Variants in INTU observed in about 807,000 individuals in gnomAD.
INTU encodes the protein inturned planar cell polarity protein.
In INTU, 68 loss-of-function variants were observed where a neutral mutation model predicts 100.5. The ratio of observed to expected loss-of-function variants is 0.68; its 90% CI spans 0.56 to 0.83. The LOEUF (loss-of-function observed/expected upper bound fraction) is 0.83. INTU is among the 40% of genes least tolerant of loss of function. The probability of loss-of-function intolerance (pLI) is 0.00; values close to 1 mark genes in which losing one functional copy is unlikely to be tolerated. For missense variants in INTU, 1,071 were observed against 1,114.7 expected (o/e 0.96, Z 0.56); for synonymous variants, 357 against 395.7 (o/e 0.90, Z 1.16).
At chr4:127,643,124 A>G (rs1014434718) in intron 1 of INTU, among the ~76,000 whole-genome samples, 3 of 152,248 alleles carry the variant, frequency 2.0e-5, no homozygotes, top group Admixed American at 6.5e-5. Context: ...TTGTGTGGAT[A>G]TAATTGCATA....
At chr4:127,672,052 A>G (rs1728955537) in intron 5 of INTU, among the ~76,000 whole-genome samples, 1 of 151,978 alleles carries the variant, frequency 6.6e-6, no homozygotes, top group Non-Finnish European at 1.5e-5. Flanking sequence ...TACAATGTAC[A>G]CTCCTTAGGT....
At chr4:127,681,332 A>T (rs948648216) in intron 6 of INTU, among the ~76,000 whole-genome samples, 1 of 150,200 alleles carries the variant, frequency 6.7e-6, no homozygotes, top group Non-Finnish European at 1.5e-5. Flanking sequence ...TGGAGGCATC[A>T]CCCTACCTGA....
At chr4:127,688,972 T>TTTC (rs1729972789) in intron 8 of INTU, among the ~76,000 whole-genome samples, 2 of 67,936 alleles carry the variant, frequency 2.9e-5, no homozygotes, top group East Asian at 8.1e-4. Context: ...TCTTTCTTTC[T>TTTC]TTTTTTTTTT....
At position 127,656,729 on chromosome 4, in the gene INTU, C is replaced by T; in HGVS notation, c.768+8C>T. ...ATTCCTGGACCTATGCAGGTATGGA[C>T]ATTCTTTTTCTATATTTTATGATGT... On this transcript the variant is annotated splice_region_variant and intron_variant, in intron 3 of 15. Transcript: ENST00000335251. 1 of 1,527,390 alleles carries T rather than the reference C, an allele frequency of 6.5e-7. No individual in the cohort carries two copies. Among genetic ancestry groups the T allele is most frequent in the Non-Finnish European group, 9.0e-7 (1 of 1,109,870 alleles). The allele number at this position is 1,527,390 out of a possible 1,614,324, so 94.6% of individuals were successfully genotyped here.
At chr4:127,647,012 A>T (rs1353126785) in intron 2 of INTU, among the ~76,000 whole-genome samples, 1 of 152,160 alleles carries the variant, frequency 6.6e-6, no homozygotes, top group Non-Finnish European at 1.5e-5. Flanking sequence ...TGTCCCATAC[A>T]TATGTGCCAC....
Position 127,656,643 on chromosome 4 carries a change from C to A in INTU, c.690C>A (p.Val230=). 1.2e-6 allele frequency: 2 copies of A among 1,607,788 alleles called. No individual in the cohort carries two copies. The highest frequency in any genetic ancestry group is 1.7e-6 in the Non-Finnish European group (2 of 1,175,082). Residue 230 remains valine, a synonymous_variant, in exon 3 of 16, where the codon GTC becomes GTA. Transcript: ENST00000335251. Reference sequence around the variant, plus strand: ...TTGTTATTCTGGTTTCAGGTGATGTCCTTGTTGCTGTGAATGATGTCGATG... The same window carrying A: ...TTGTTATTCTGGTTTCAGGTGATGTACTTGTTGCTGTGAATGATGTCGATG... ...MKSGQVLIGD[V]LVAVNDVDVT...
chr4:127,701,165 A>G (rs2148726713), intron 9 of INTU, among the ~76,000 whole-genome samples: 1 of 152,288 alleles, frequency 6.6e-6, no homozygotes, highest in South Asian at 2.1e-4. Flanking sequence ...TATAGGAAAT[A>G]CCACTGAAAA....
chr4:127,656,781 C>T (rs1358139824), intron 3 of INTU, 60 bp downstream of exon 3: 25 of 1,078,010 alleles, frequency 2.3e-5, no homozygotes, highest in African/African-American at 3.2e-5. Context: ...ATAAATATAT[C>T]GTGCACTATT....
intron 2 of INTU, among the ~76,000 whole-genome samples, chr4:127,655,201 C>A (rs1237860334): frequency 6.6e-6 from 1 of 151,850 alleles, no homozygotes; most frequent in Admixed American, 6.6e-5. Context: ...ATTTCATCGT[C>A]TGAAGCCTTC....
At chr4:127,697,322 C>T (rs1472596810) in intron 8 of INTU, among the ~76,000 whole-genome samples, 1 of 151,998 alleles carries the variant, frequency 6.6e-6, no homozygotes, top group Non-Finnish European at 1.5e-5. Flanking sequence ...CTTCTTCTCC[C>T]TACCCCTCCA....
intron 5 of INTU, 23 bp from the exon 6 acceptor site, chr4:127,674,101 A>G (rs1434579663): frequency 6.7e-7 from 1 of 1,490,042 alleles, no homozygotes; most frequent in African/African-American, 1.4e-5. Context: ...TTCTAACCTT[A>G]TTTTGAATAT....
Position 127,633,020 on chromosome 4 carries a change from A to T in INTU, c.-15A>T. The T allele has an allele frequency of 6.2e-7, 1 of 1,609,490 alleles. No homozygotes were observed. The highest frequency in any genetic ancestry group is 8.5e-7 in the Non-Finnish European group (1 of 1,176,790). Reference sequence around the variant, plus strand: ...GATTTGAATTACTCCACTCGTAGCTATTGCATTCCTGACGATGGCCTCTGT... The same window carrying T: ...GATTTGAATTACTCCACTCGTAGCTTTTGCATTCCTGACGATGGCCTCTGT... On this transcript the variant is annotated 5_prime_UTR_variant, in exon 1 of 16. Coordinates refer to ENST00000335251, the MANE Select transcript of INTU (RefSeq NM_015693.4).
At position 127,726,733 on chromosome 4, in the gene INTU, T is replaced by G. The variant is rs1052958350; in HGVS notation, c.*10297T>G. The G allele has an allele frequency of 1.3e-5, 2 of 152,224 alleles. No individual in the cohort carries two copies. The highest frequency in any genetic ancestry group is 2.9e-5 in the Non-Finnish European group (2 of 68,048). The allele number at this position is 152,224 out of a possible 1,614,324, so 9.4% of individuals were successfully genotyped here. On this transcript the variant is annotated 3_prime_UTR_variant, in exon 16 of 16. Transcript: ENST00000335251. Reference sequence around the variant, plus strand: ...AAATAAAACTGGTTTGGAGGTTTGTTTGCAGTTGTATTGCCTTTTTCATGC... The same window carrying G: ...AAATAAAACTGGTTTGGAGGTTTGTGTGCAGTTGTATTGCCTTTTTCATGC...
At chr4:127,668,220 T>C (rs2126205474) in intron 4 of INTU, among the ~76,000 whole-genome samples, 1 of 152,168 alleles carries the variant, frequency 6.6e-6, no homozygotes, top group Admixed American at 6.6e-5. Context: ...CATCTCTTTG[T>C]ATGAAAGTAT....
intron 5 of INTU, among the ~76,000 whole-genome samples, chr4:127,673,145 A>G (rs936092184): frequency 5.3e-5 from 8 of 152,136 alleles, no homozygotes; most frequent in Non-Finnish European, 1.0e-4. Context: ...CAGTCACAAA[A>G]TATTTGTTAA....
At chr4:127,714,278 T>C (rs1403793590) in intron 15 of INTU, among the ~76,000 whole-genome samples, 185 bp downstream of exon 15, 1 of 152,100 alleles carries the variant, frequency 6.6e-6, no homozygotes, top group Non-Finnish European at 1.5e-5. Context: ...CTATTGAAAA[T>C]TATCTTACAA....
At chr4:127,681,372 C>T (rs1031511963) in intron 6 of INTU, among the ~76,000 whole-genome samples, 27 of 152,292 alleles carry the variant, frequency 1.8e-4, no homozygotes, top group African/African-American at 6.5e-4. Flanking sequence ...GCTACAGTAA[C>T]CACAACAGCA....
Position 127,717,501 on chromosome 4 carries a change from C to T in INTU, c.*1065C>T, listed in dbSNP as rs1356039140. The T allele has an allele frequency of 6.6e-6, 1 of 152,162 alleles. No homozygotes were observed. The highest frequency in any genetic ancestry group is 1.5e-5 in the Non-Finnish European group (1 of 68,026). 9.4% of individuals were successfully genotyped at this position (152,162 alleles called of 1,614,324 possible). A position where few individuals can be genotyped will look rare whatever the true frequency, so the allele number is the denominator to read the frequency against. ...TGATTTATATTACTTTGAGTATAAA[C>T]CCAGTAATGGGATTGCTGGGTCAAA... On this transcript the variant is annotated 3_prime_UTR_variant, in exon 16 of 16. Coordinates refer to ENST00000335251, the MANE Select transcript of INTU (RefSeq NM_015693.4).
chr4:127,689,321 G>A (rs778231499), intron 8 of INTU, among the ~76,000 whole-genome samples: 44 of 151,990 alleles, frequency 2.9e-4, no homozygotes, highest in Non-Finnish European at 3.7e-4. Context: ...TAAGAAGTAT[G>A]AGATATATAA....
Sources: gnomAD v4.1 joint callset for allele counts (sites outside exome capture counted in the v4.1 genomes callset) on GRCh38, gnomAD v4.1.1 for gene constraint, MANE v1.5 for transcripts, NCBI Gene and HGNC (gene_info 2026-07-23, HGNC 2026-07-21) for gene names.